Variants in RFX3 observed in about 807,000 individuals in gnomAD.
RFX3 encodes transcription factor RFX3.
In RFX3, 14 loss-of-function variants were observed where a neutral mutation model predicts 98.6. The observed-to-expected ratio is 0.14, with a 90% CI of 0.09 to 0.22. The LOEUF (loss-of-function observed/expected upper bound fraction) is 0.22, where lower values mean the gene tolerates loss of function less well. Ranked by LOEUF, RFX3 falls within the 10% of genes least tolerant of loss-of-function variation. RFX3 has a pLI of 1.00. For missense variants in RFX3, 639 were observed against 926.9 expected (o/e 0.69, Z 4.03); for synonymous variants, 383 against 328.4 (o/e 1.17, Z -1.80).
At chr9:3,266,907 G>C (rs558666689) in intron 11 of RFX3, among the ~76,000 whole-genome samples, 50 of 152,126 alleles carry the variant, frequency 3.3e-4, no homozygotes, top group African/African-American at 1.2e-3. Context: ...TAAACGATCA[G>C]TATGATAAAA....
chr9:3,446,865 G>A (rs1457306550), intron 1 of RFX3, among the ~76,000 whole-genome samples: 2 of 151,890 alleles, frequency 1.3e-5, no homozygotes, highest in Non-Finnish European at 2.9e-5. Flanking sequence ...TTAAAATCAG[G>A]CTAGAACTAA....
chr9:3,521,009 A>T (rs969517534), intron 1 of RFX3, among the ~76,000 whole-genome samples: 3 of 152,210 alleles, frequency 2.0e-5, no homozygotes, highest in Non-Finnish European at 4.4e-5. Context: ...ATACTATTTT[A>T]TTATGAATTA....
At chr9:3,354,058 C>T (rs951860477) in intron 2 of RFX3, among the ~76,000 whole-genome samples, 2 of 151,748 alleles carry the variant, frequency 1.3e-5, no homozygotes, top group African/African-American at 4.8e-5. Flanking sequence ...TAAAAGCAGA[C>T]AATACAATGA....
chr9:3,270,835 G>A, intron 10 of RFX3, 168 bp downstream of exon 10: 1 of 920,052 alleles, frequency 1.1e-6, no homozygotes, highest in Non-Finnish European at 1.6e-6. Context: ...TACACACACT[G>A]AAACCTCAAG....
At chr9:3,405,373 C>T (rs1052208053) in intron 1 of RFX3, among the ~76,000 whole-genome samples, 1 of 152,178 alleles carries the variant, frequency 6.6e-6, no homozygotes, top group African/African-American at 2.4e-5. Context: ...AATAATCCTT[C>T]CTTCTATTGA....
chr9:3,219,535 T>C lies in RFX3; in HGVS notation c.*5507A>G. The stretch of plus-strand genomic sequence containing the variant: ...AAGAGACAAAACACATTTTTCTTTT[T>C]AAAAAAACATATTATCAATTATTTC... On this transcript the variant is annotated 3_prime_UTR_variant, in exon 17 of 17. Coordinates refer to ENST00000617270, the MANE Select transcript of RFX3 (RefSeq NM_001282116.2). 6.6e-6 allele frequency: 1 copy of C among 151,752 alleles called. No individual in the cohort carries two copies. Among genetic ancestry groups the C allele is most frequent in the Admixed American group, 6.6e-5 (1 of 15,230 alleles). The allele number at this position is 151,752 out of a possible 1,614,324, so 9.4% of individuals were successfully genotyped here.
At chr9:3,495,298 G>C (rs1851025269) in intron 1 of RFX3, among the ~76,000 whole-genome samples, 2 of 151,856 alleles carry the variant, frequency 1.3e-5, no homozygotes, top group South Asian at 4.1e-4. Context: ...ATGCAATTAA[G>C]CATAAAAGGT....
intron 1 of RFX3, among the ~76,000 whole-genome samples, chr9:3,428,611 T>A (rs1844340396): frequency 6.6e-6 from 1 of 152,068 alleles, no homozygotes; most frequent in Admixed American, 6.5e-5. Context: ...ATTCAGAAAA[T>A]CTCAAATGAT....
chr9:3,517,004 C>G (rs1818249973), intron 1 of RFX3, among the ~76,000 whole-genome samples: 1 of 152,210 alleles, frequency 6.6e-6, no homozygotes, highest in Admixed American at 6.5e-5. Context: ...ATAGGTATGG[C>G]CATTATGCTA....
At chr9:3,495,949 T>A (rs770643519) in intron 1 of RFX3, among the ~76,000 whole-genome samples, 1 of 152,090 alleles carries the variant, frequency 6.6e-6, no homozygotes, top group Non-Finnish European at 1.5e-5. Flanking sequence ...CCATATTTTG[T>A]AAATCAATGA....
chr9:3,224,070 T>C lies in RFX3; in HGVS notation c.*972A>G, dbSNP rs375452284. ...TAAATTCTCGTTTATAATAGCAGCA[T>C]ATTGAACTACTATTAGGAAAAAGAC... On this transcript the variant is annotated 3_prime_UTR_variant, in exon 17 of 17. Coordinates refer to ENST00000617270, the MANE Select transcript of RFX3 (RefSeq NM_001282116.2). The C allele has an allele frequency of 1.3e-5, 2 of 152,142 alleles. No homozygotes were observed. Among genetic ancestry groups the C allele is most frequent in the Non-Finnish European group, 2.9e-5 (2 of 68,026 alleles). The allele number at this position is 152,142 out of a possible 1,614,324, so 9.4% of individuals were successfully genotyped here.
In RFX3 at chr9:3,277,427, C is replaced by G. The variant is rs1277516121; in HGVS notation, c.886G>C (p.Asp296His). The G allele has an allele frequency of 1.2e-6, 2 of 1,612,692 alleles. No homozygotes were observed. Among genetic ancestry groups the G allele is most frequent in the Non-Finnish European group, 1.7e-6 (2 of 1,178,940 alleles). ...TGTTGACCACTTCCTGTGAAACCATCTGCAACCCCATCCACTTTCTGCATA... is the reference window on the plus strand; with the variant it reads ...TGTTGACCACTTCCTGTGAAACCATGTGCAACCCCATCCACTTTCTGCATA... ...KPMQKVDGVADGFTGSGQQTG... is the reference protein window; with the variant it reads ...KPMQKVDGVAHGFTGSGQQTG... The change falls in exon 8 of 17, where the codon GAT (aspartate) becomes CAT (histidine). Residue 296 changes from aspartate (D) to histidine (H), a missense_variant. Coordinates refer to ENST00000617270, the MANE Select transcript of RFX3 (RefSeq NM_001282116.2).
chr9:3,319,184 G>A lies in RFX3; in HGVS notation c.474+11075C>T, dbSNP rs1217470500. Among the ~76,000 whole-genome samples, 4 of 152,222 alleles carry A rather than the reference G, an allele frequency of 2.6e-5. No homozygotes were observed. In the East Asian group the frequency reaches 7.7e-4, roughly 29 times the overall value. On this transcript the variant is annotated intron_variant, in intron 4 of 16. Coordinates refer to ENST00000617270, the MANE Select transcript of RFX3 (RefSeq NM_001282116.2). ...TCACTAAAACAGGCTTTTAAAGTGT[G>A]GTCTTGGACCAGCATTTTCAGTATC...
chr9:3,387,590 T>C (rs1448732949), intron 2 of RFX3, among the ~76,000 whole-genome samples: 1 of 152,036 alleles, frequency 6.6e-6, no homozygotes, highest in Non-Finnish European at 1.5e-5. Context: ...CAGTTCTGGT[T>C]CTAAAAATAA....
chr9:3,501,618 G>C (rs2133659513), intron 1 of RFX3, among the ~76,000 whole-genome samples: 1 of 145,172 alleles, frequency 6.9e-6, no homozygotes, highest in East Asian at 2.0e-4. Flanking sequence ...GTGCAGTGGT[G>C]CAATGTCAGC....
intron 2 of RFX3, among the ~76,000 whole-genome samples, chr9:3,391,742 C>A (rs967159186): frequency 2.3e-4 from 35 of 152,038 alleles, no homozygotes; most frequent in African/African-American, 8.2e-4. Context: ...TGACAGCAAT[C>A]CAATTTTTGT....
At chr9:3,334,852 G>A (rs917731621) in intron 3 of RFX3, among the ~76,000 whole-genome samples, 1 of 152,140 alleles carries the variant, frequency 6.6e-6, no homozygotes, top group African/African-American at 2.4e-5. Context: ...AGGCGCGGTG[G>A]TTCATGCCCA....
chr9:3,497,172 G>A lies in RFX3; in HGVS notation c.-9+28575C>T, dbSNP rs577745446. On this transcript the variant is annotated intron_variant, in intron 1 of 16. Coordinates refer to ENST00000617270, the MANE Select transcript of RFX3 (RefSeq NM_001282116.2). ...ACAAAGTCTTGAAATGTTACAATATGTACCAATTCAGGCTACTTAACTGCT... is the reference window on the plus strand; with the variant it reads ...ACAAAGTCTTGAAATGTTACAATATATACCAATTCAGGCTACTTAACTGCT... 3.9e-5 allele frequency among the ~76,000 whole-genome samples: 6 copies of A among 152,096 alleles called. No homozygotes were observed. The East Asian group carries it at 1.2e-3, about 29-fold the overall frequency.
intron 1 of RFX3, among the ~76,000 whole-genome samples, chr9:3,506,506 C>A (rs1433762553): frequency 6.6e-6 from 1 of 151,772 alleles, no homozygotes; most frequent in Non-Finnish European, 1.5e-5. Context: ...TCCCATAATG[C>A]CCCGCATGTC....
Sources: allele counts gnomAD v4.1 joint callset (sites outside exome capture counted in the v4.1 genomes callset), GRCh38; gene constraint gnomAD v4.1.1; transcripts MANE v1.5; gene names NCBI Gene and HGNC (gene_info 2026-07-23, HGNC 2026-07-21).